The following AFM variants were observed in gnomAD, a reference collection of about 807,000 sequenced individuals.
The protein encoded by AFM is afamin.
In AFM, 82 loss-of-function variants were observed where a neutral mutation model predicts 68.7. That is an observed-to-expected ratio of 1.19 (90% confidence interval 1.00 to 1.43). The LOEUF is 1.43. Among genes scored for constraint, AFM ranks in the 40% most tolerant of loss-of-function variants. The probability of loss-of-function intolerance (pLI) is 0.00; values close to 1 mark genes in which losing one functional copy is unlikely to be tolerated. For synonymous variants in AFM, 250 were observed against 234.2 expected (o/e 1.07, Z -0.61); for missense variants, 772 against 701.8 (o/e 1.10, Z -1.13).
intron 9 of AFM, among the ~76,000 whole-genome samples, chr4:73,496,915 A>G (rs1721275386): frequency 6.6e-6 from 1 of 152,178 alleles, no homozygotes; most frequent in African/African-American, 2.4e-5. Context: ...CACAAACACC[A>G]GTTTATACCC....
At chr4:73,482,848 A>G (rs1393795952) in intron 1 of AFM, among the ~76,000 whole-genome samples, 1 of 152,158 alleles carries the variant, frequency 6.6e-6, no homozygotes, top group Non-Finnish European at 1.5e-5. Context: ...CCATGACATT[A>G]CATATACCAC....
Position 73,491,973 on chromosome 4 carries a change from T to G in AFM, c.945T>G (p.Ile315Met). The G allele has an allele frequency of 6.2e-7, 1 of 1,613,874 alleles. No homozygotes were observed. Among genetic ancestry groups the G allele is most frequent in the Non-Finnish European group, 8.5e-7 (1 of 1,179,884 alleles). The change falls in exon 8 of 15, where the codon ATT becomes ATG. Residue 315 changes from isoleucine to methionine, a missense_variant. Ile to Met is a conservative substitution (Grantham distance 10). Transcript: ENST00000226355. Reference protein sequence around the residue: ...KKIPERGQCIINSNKDDRPKD... With the variant: ...KKIPERGQCIMNSNKDDRPKD... Reference sequence around the variant, plus strand: ...TACCAGAGCGCGGCCAGTGCATAATTAACTCAAACAAAGATGATAGACCAA... The same window carrying G: ...TACCAGAGCGCGGCCAGTGCATAATGAACTCAAACAAAGATGATAGACCAA...
chr4:73,490,633 G>C (rs1368785862), intron 7 of AFM, among the ~76,000 whole-genome samples: 1 of 152,088 alleles, frequency 6.6e-6, no homozygotes, highest in Non-Finnish European at 1.5e-5. Context: ...GTATTAGCCA[G>C]GATGTATGTT....
At chr4:73,488,002 G>A (rs1290017718) in intron 6 of AFM, among the ~76,000 whole-genome samples, 181 bp downstream of exon 6, 2 of 152,014 alleles carry the variant, frequency 1.3e-5, no homozygotes, top group Non-Finnish European at 2.9e-5. Context: ...AGAAGTTTTG[G>A]GAGGTGAGGA....
In AFM at chr4:73,500,135, A is replaced by G; in HGVS notation, c.1554A>G (p.Thr518=). Residue 518 remains threonine, a synonymous_variant, in exon 12 of 15, where the codon ACA becomes ACG. Transcript: ENST00000226355. Reference sequence around the variant, plus strand: ...TTGAGAGTTTGAAAGCTGATAAAACATATGTGCCTCCACCTTTCTCTCAAG... The same window carrying G: ...TTGAGAGTTTGAAAGCTGATAAAACGTATGTGCCTCCACCTTTCTCTCAAG... ...PCFESLKADK[T]YVPPPFSQDL... 3.7e-6 allele frequency: 6 copies of G among 1,614,062 alleles called. No homozygotes were observed. Among genetic ancestry groups the G allele is most frequent in the South Asian group, 1.1e-5 (1 of 91,092 alleles).
At position 73,503,044 on chromosome 4, in the gene AFM, C is replaced by T. The variant is rs750979605; in HGVS notation, c.1780-6C>T. Reference sequence around the variant, plus strand: ...TATGTGTTTTTATTTCCATCCCTCACCTCAGAGTCCAAAAATTGGCAACTG... The same window carrying T: ...TATGTGTTTTTATTTCCATCCCTCATCTCAGAGTCCAAAAATTGGCAACTG... On this transcript the variant is annotated splice_region_variant and splice_polypyrimidine_tract_variant and intron_variant, in intron 13 of 14. Coordinates refer to ENST00000226355, the MANE Select transcript of AFM (RefSeq NM_001133.2). The T allele has an allele frequency of 1.2e-6, 2 of 1,613,002 alleles. No homozygotes were observed. The highest frequency in any genetic ancestry group is 1.7e-5 in the Admixed American group (1 of 59,894).
intron 10 of AFM, among the ~76,000 whole-genome samples, chr4:73,498,034 C>T (rs751789747): frequency 1.3e-5 from 2 of 152,192 alleles, no homozygotes; most frequent in Non-Finnish European, 2.9e-5. Flanking sequence ...AGAATCCCTG[C>T]ATCCTCACCC....
intron 4 of AFM, 51 bp downstream of exon 4, chr4:73,486,124 C>A: frequency 1.4e-6 from 2 of 1,428,776 alleles, no homozygotes; most frequent in East Asian, 4.6e-5. Context: ...TAGTCTTAGG[C>A]TGAATCTAAT....
rs995264069 is a variant in AFM, at chr4:73,496,900, C to T, written c.1192-752C>T. Among the ~76,000 whole-genome samples the T allele has an allele frequency of 2.6e-5, 4 of 152,052 alleles. No individual in the cohort carries two copies. The East Asian group carries it at 7.7e-4, about 29-fold the overall frequency. On this transcript the variant is annotated intron_variant, in intron 9 of 14. Coordinates refer to ENST00000226355, the MANE Select transcript of AFM (RefSeq NM_001133.2). Reference sequence around the variant, plus strand: ...TGCTTTAGCAAAACATTTTTTTTCACTTGCCACAAACACCAGTTTATACCC... The same window carrying T: ...TGCTTTAGCAAAACATTTTTTTTCATTTGCCACAAACACCAGTTTATACCC...
At chr4:73,493,302 T>G (rs1296036622) in intron 8 of AFM, among the ~76,000 whole-genome samples, 3 of 152,198 alleles carry the variant, frequency 2.0e-5, no homozygotes, top group Non-Finnish European at 2.9e-5. Flanking sequence ...AGAAACCTCA[T>G]CTGAAGAAAA....
chr4:73,483,371 G>T (rs1373583264), intron 1 of AFM, among the ~76,000 whole-genome samples: 1 of 152,124 alleles, frequency 6.6e-6, no homozygotes, highest in Non-Finnish European at 1.5e-5. Context: ...TGCTTCACAG[G>T]GTCCAGCACA....
intron 3 of AFM, among the ~76,000 whole-genome samples, chr4:73,485,590 A>G (rs143706015): frequency 7.3e-5 from 10 of 137,390 alleles, no homozygotes; most frequent in Admixed American, 4.5e-4. Context: ...AAGGAGAAGG[A>G]GAAGAGGAAG....
chr4:73,487,721 C>T lies in AFM; in HGVS notation c.616-3C>T, dbSNP rs1228356123. 1.9e-6 allele frequency: 3 copies of T among 1,586,596 alleles called. No homozygotes were observed. Among genetic ancestry groups the T allele is most frequent in the East Asian group, 2.2e-5 (1 of 44,706 alleles). ...TCAAAAGAATTTTCTCTTTCTTCTT[C>T]AGGCAATACCTGTCACACAATATTT... On this transcript the variant is annotated splice_polypyrimidine_tract_variant and splice_region_variant and intron_variant, in intron 5 of 14. Transcript: ENST00000226355.
At position 73,484,291 on chromosome 4, in the gene AFM, A is replaced by G. The variant is rs762016747; in HGVS notation, c.171A>G (p.Glu57=). 3 of 1,613,424 alleles carry G rather than the reference A, an allele frequency of 1.9e-6. No homozygotes were observed. The highest frequency in any genetic ancestry group is 2.5e-6 in the Non-Finnish European group (3 of 1,179,820). Residue 57 remains glutamate (E), a synonymous_variant, in exon 3 of 15, where the codon GAA becomes GAG. Coordinates refer to ENST00000226355, the MANE Select transcript of AFM (RefSeq NM_001133.2). ...TTGCATTTGCTCAGTATGTTCAGGA[A>G]GCAACCTTTGAAGAAATGGAAAAGC... ...TIIAFAQYVQ[E]ATFEEMEKLV...
chr4:73,486,931 C>A, intron 4 of AFM, 36 bp from the exon 5 acceptor site: 1 of 1,598,158 alleles, frequency 6.3e-7, no homozygotes, highest in Non-Finnish European at 8.5e-7. Context: ...TTTCTTCCCT[C>A]ACCCGTCTTC....
chr4:73,495,143 C>A, intron 8 of AFM, 157 bp from the exon 9 acceptor site: 2 of 561,168 alleles, frequency 3.6e-6, no homozygotes, highest in Non-Finnish European at 5.8e-6. Flanking sequence ...GATCTATAGC[C>A]AAAATGTCCT....
rs538086747 is a variant in AFM at position 73,493,107 on chromosome 4, G to A, written c.1058+1021G>A. On this transcript the variant is annotated intron_variant, in intron 8 of 14. Coordinates refer to ENST00000226355, the MANE Select transcript of AFM (RefSeq NM_001133.2). ...GAAGAAATTTTGGTAATCTAGATAG[G>A]TAGAGCATGAATTGAAGTTTATAAT... Among the ~76,000 whole-genome samples, 25 of 152,282 alleles carry A rather than the reference G, an allele frequency of 1.6e-4. 1 individual carries two copies. The East Asian group carries it at 4.6e-3, about 28-fold the overall frequency.
chr4:73,501,476 G>A (rs146562876), intron 12 of AFM, among the ~76,000 whole-genome samples: 1 of 151,824 alleles, frequency 6.6e-6, no homozygotes, highest in Non-Finnish European at 1.5e-5. Flanking sequence ...CTGAATACTA[G>A]AACTTATTAC....
rs1382990207 is a variant in AFM at position 73,486,096 on chromosome 4, A to G, written c.482+23A>G. On this transcript the variant is annotated intron_variant, in intron 4 of 14. Coordinates refer to ENST00000226355, the MANE Select transcript of AFM (RefSeq NM_001133.2). Reference sequence around the variant, plus strand: ...TCAGTAAGTTTAATCTTAGTAAAAAATGATCCAGTTGAAGAATTAGTCTTA... The same window carrying G: ...TCAGTAAGTTTAATCTTAGTAAAAAGTGATCCAGTTGAAGAATTAGTCTTA... The G allele has an allele frequency of 5.0e-6, 8 of 1,585,714 alleles. No individual in the cohort carries two copies. The Middle Eastern group carries it at 8.3e-4, about 165-fold the overall frequency.
Sources: gnomAD v4.1 joint callset for allele counts (sites outside exome capture counted in the v4.1 genomes callset) on GRCh38, gnomAD v4.1.1 for gene constraint, MANE v1.5 for transcripts, NCBI Gene and HGNC (gene_info 2026-07-23, HGNC 2026-07-21) for gene names.